The following ZFP14 variants were observed in gnomAD, a reference collection of about 807,000 sequenced individuals.
ZFP14 encodes zinc finger protein 14 homolog.
Under a neutral mutation model 54.5 loss-of-function variants are expected in ZFP14, and 22 were observed. The ratio of observed to expected loss-of-function variants is 0.40; its 90% CI spans 0.29 to 0.58. ZFP14 has a LOEUF of 0.58. ZFP14 is among the 20% of genes least tolerant of loss of function. ZFP14 has a pLI of 0.39. For missense variants in ZFP14, 470 were observed against 637.8 expected (o/e 0.74, Z 2.83); for synonymous variants, 159 against 204.0 (o/e 0.78, Z 1.88).
At chr19:36,378,893 G>T (rs2032005137) in intron 1 of ZFP14, 1 of 152,296 alleles carries the variant, frequency 6.6e-6, no homozygotes, top group South Asian at 2.1e-4. Flanking sequence ...AGGGAGCTCG[G>T]GTAAAGCTGT....
intron 2 of ZFP14, among the ~76,000 whole-genome samples, chr19:36,366,510 T>C (rs1370002695): frequency 6.6e-6 from 1 of 151,954 alleles, no homozygotes; most frequent in African/African-American, 2.4e-5. Context: ...AGAGACACGG[T>C]TTTGCCTTGT....
chr19:36,372,748 T>C (rs8109333), intron 1 of ZFP14, among the ~76,000 whole-genome samples: 103,199 of 152,114 alleles, frequency 0.68, 35,286 homozygotes, highest in African/African-American at 0.75. Flanking sequence ...TCTCTGCACT[T>C]TCATGTTTAT....
intron 4 of ZFP14, among the ~76,000 whole-genome samples, chr19:36,352,935 T>C (rs1377027636): frequency 3.1e-5 from 4 of 129,396 alleles, no homozygotes; most frequent in Non-Finnish European, 6.8e-5. Flanking sequence ...AGCGAGACTC[T>C]GTCTCAAAAA....
In ZFP14 at chr19:36,350,564, G is replaced by A. The variant is rs981152998; in HGVS notation, c.236-8974C>T. ...TGCCGTGAGCTGAAATCATGCCACT[G>A]CACTCCAACCTGGGCATCCAAGCAA... On this transcript the variant is annotated intron_variant, in intron 4 of 4. Coordinates refer to ENST00000270001, the MANE Select transcript of ZFP14 (RefSeq NM_020917.3). Among the ~76,000 whole-genome samples the A allele has an allele frequency of 4.1e-4, 58 of 140,458 alleles. 5 individuals are homozygous for A. The highest frequency in any genetic ancestry group is 2.0e-3 in the Admixed American group (27 of 13,418). 92.1% of individuals were successfully genotyped at this position (140,458 alleles called of 152,430 possible).
At chr19:36,362,073 G>T in intron 3 of ZFP14, 39 bp downstream of exon 3, 1 of 1,556,542 alleles carries the variant, frequency 6.4e-7, no homozygotes, top group Middle Eastern at 1.7e-4. Flanking sequence ...GAAATTGACA[G>T]CAGAGAAAGC....
At chr19:36,376,894 C>T (rs2031971694) in intron 1 of ZFP14, among the ~76,000 whole-genome samples, 1 of 152,156 alleles carries the variant, frequency 6.6e-6, no homozygotes, top group Non-Finnish European at 1.5e-5. Flanking sequence ...CTTTAAGTGG[C>T]AGGTTGAGGA....
At chr19:36,366,169 G>A (rs1167278200) in intron 2 of ZFP14, among the ~76,000 whole-genome samples, 1 of 151,938 alleles carries the variant, frequency 6.6e-6, no homozygotes, top group African/African-American at 2.4e-5. Context: ...TCAGAAGGCT[G>A]AGGCAGGAGA....
At chr19:36,353,853 C>T (rs1424489733) in intron 4 of ZFP14, among the ~76,000 whole-genome samples, 12 of 140,820 alleles carry the variant, frequency 8.5e-5, no homozygotes, top group African/African-American at 2.6e-4. Flanking sequence ...GTGGGAGGAT[C>T]GCTTGAGCCT....
chr19:36,374,879 C>G (rs1004518851), intron 1 of ZFP14, among the ~76,000 whole-genome samples: 1 of 152,104 alleles, frequency 6.6e-6, no homozygotes, highest in African/African-American at 2.4e-5. Flanking sequence ...CAAGTTCTTT[C>G]AGTCTTCCTT....
At chr19:36,363,939 G>A (rs2031752255) in intron 2 of ZFP14, among the ~76,000 whole-genome samples, 1 of 151,550 alleles carries the variant, frequency 6.6e-6, no homozygotes, top group Admixed American at 6.6e-5. Flanking sequence ...GCAGTGAGCT[G>A]AGATCACACT....
At chr19:36,374,564 T>C (rs1339482613) in intron 1 of ZFP14, among the ~76,000 whole-genome samples, 1 of 151,762 alleles carries the variant, frequency 6.6e-6, no homozygotes, top group Non-Finnish European at 1.5e-5. Context: ...AATGAATTAA[T>C]GGATTAAAGT....
At chr19:36,345,023 G>C (rs190819520) in intron 4 of ZFP14, among the ~76,000 whole-genome samples, 57 of 152,300 alleles carry the variant, frequency 3.7e-4, no homozygotes, top group Non-Finnish European at 6.3e-4. Context: ...AGCACTTTGG[G>C]AGGCCGAGGG....
chr19:36,337,746 C>T lies in ZFP14; in HGVS notation c.*2478G>A, dbSNP rs911730766. The T allele has an allele frequency of 2.0e-5, 3 of 151,990 alleles. No homozygotes were observed. Among genetic ancestry groups the T allele is most frequent in the Admixed American group, 6.6e-5 (1 of 15,252 alleles). 9.4% of individuals were successfully genotyped at this position (151,990 alleles called of 1,614,324 possible). A position where few individuals can be genotyped will look rare whatever the true frequency, so the allele number is the denominator to read the frequency against. On this transcript the variant is annotated 3_prime_UTR_variant, in exon 5 of 5. Coordinates refer to ENST00000270001, the MANE Select transcript of ZFP14 (RefSeq NM_020917.3). ...GTGGTGTGGACTTCCTATTGCATTA[C>T]GTCAGGAAGTGTGTTGTCTGATAGA... is the stretch of plus-strand genomic sequence containing the variant.
chr19:36,340,327 C>A lies in ZFP14; in HGVS notation c.1499G>T (p.Arg500Ile). 1 of 1,614,050 alleles carries A rather than the reference C, an allele frequency of 6.2e-7. No homozygotes were observed. The highest frequency in any genetic ancestry group is 8.5e-7 in the Non-Finnish European group (1 of 1,180,018). The change falls in exon 5 of 5, where the codon AGA (arginine) becomes ATA (isoleucine). Residue 500 changes from arginine to isoleucine, a missense_variant. Arg to Ile is a moderately conservative substitution (Grantham distance 97). Coordinates refer to ENST00000270001, the MANE Select transcript of ZFP14 (RefSeq NM_020917.3). The surrounding 1 kb of genome is among the most constrained non-coding windows in gnomAD (Gnocchi z 5.4). ...GTAGGGCTTCTCACCAGTATGAATT[C>A]TCTGGTGTTGAGTAAGAAATGAATA... Reference protein sequence around the residue: ...RLYSFLTQHQRIHTGEKPYKC... With the variant: ...RLYSFLTQHQIIHTGEKPYKC...
intron 1 of ZFP14, among the ~76,000 whole-genome samples, chr19:36,371,821 T>C (rs1481001180): frequency 6.6e-6 from 1 of 151,990 alleles, no homozygotes; most frequent in Non-Finnish European, 1.5e-5. Context: ...AGCCAGGTAT[T>C]GTTGCATGTG....
Position 36,336,073 on chromosome 19 carries a change from A to G in ZFP14, c.*4151T>C, listed in dbSNP as rs1243641877. 1 of 151,844 alleles carries G rather than the reference A, an allele frequency of 6.6e-6. No individual in the cohort carries two copies. Among genetic ancestry groups the G allele is most frequent in the Non-Finnish European group, 1.5e-5 (1 of 67,980 alleles). The allele number at this position is 151,844 out of a possible 1,614,324, so 9.4% of individuals were successfully genotyped here. A position where few individuals can be genotyped will look rare whatever the true frequency, so the allele number is the denominator to read the frequency against. On this transcript the variant is annotated 3_prime_UTR_variant, in exon 5 of 5. Transcript: ENST00000270001. Reference sequence around the variant, plus strand: ...TAATTTTAAAAATCTGCTTGATATAATCTAGAGTTGTGTCTCTTTTATCAT... The same window carrying G: ...TAATTTTAAAAATCTGCTTGATATAGTCTAGAGTTGTGTCTCTTTTATCAT...
chr19:36,341,519 A>C lies in ZFP14; in HGVS notation c.307T>G (p.Trp103Gly). The change falls in exon 5 of 5, where the codon TGG (tryptophan) becomes GGG (glycine). Residue 103 changes from tryptophan (W) to glycine (G), a missense_variant. Coordinates refer to ENST00000270001, the MANE Select transcript of ZFP14 (RefSeq NM_020917.3). This position sits in a 1 kb window ranked among gnomAD's most constrained non-coding sequence, Gnocchi z 4.2. The stretch of plus-strand genomic sequence containing the variant: ...CTTTTAATTCTTTCCATTATATCCC[A>C]CTGAAATGAATATATTTCATAAATG... ...KDIYEIYSFQ[W>G]DIMERIKSYS... 6 of 1,610,376 alleles carry C rather than the reference A, an allele frequency of 3.7e-6. No individual in the cohort carries two copies. Among genetic ancestry groups the C allele is most frequent in the Non-Finnish European group, 5.1e-6 (6 of 1,179,058 alleles).
At chr19:36,361,992 A>C in intron 3 of ZFP14, 120 bp downstream of exon 3, 1 of 1,279,720 alleles carries the variant, frequency 7.8e-7, no homozygotes, top group Non-Finnish European at 1.1e-6. Flanking sequence ...CCTAGTTCCA[A>C]CCTGACAAAG....
intron 1 of ZFP14, chr19:36,378,452 C>G (rs2031997191): frequency 6.6e-6 from 1 of 152,190 alleles, no homozygotes; most frequent in Non-Finnish European, 1.5e-5. Flanking sequence ...TGATTAATGA[C>G]AGAGCTGCTT....
Sources: gnomAD v4.1 joint callset for allele counts (sites outside exome capture counted in the v4.1 genomes callset) on GRCh38, gnomAD v4.1.1 for gene constraint, Gnocchi (gnomAD v3.1) non-coding constraint, MANE v1.5 for transcripts, NCBI Gene and HGNC (gene_info 2026-07-23, HGNC 2026-07-21) for gene names.